Variants in ERBIN observed in about 807,000 individuals in gnomAD.
The protein encoded by ERBIN is erbb2 interacting protein, also known as densin-180-like protein.
A neutral mutation model predicts 158.4 loss-of-function variants in ERBIN; 60 were observed. That is an observed-to-expected ratio of 0.38 (90% confidence interval 0.31 to 0.47). The LOEUF (loss-of-function observed/expected upper bound fraction) is 0.47, where lower values mean the gene tolerates loss of function less well. Ranked by LOEUF, ERBIN falls within the 20% of genes least tolerant of loss-of-function variation. The pLI is 0.99. For missense variants in ERBIN, 1,610 were observed against 1,648.0 expected, an observed-to-expected ratio of 0.98 and a Z score of 0.40; for synonymous variants, 594 against 557.2, an observed-to-expected ratio of 1.07 and a Z score of -0.93.
chr5:66,062,808 CA>C (rs1760559376), intron 21 of ERBIN, among the ~76,000 whole-genome samples: 1 of 152,216 alleles, frequency 6.6e-6, no homozygotes, highest in Non-Finnish European at 1.5e-5. Context: ...AGGTCCACTC[CA>C]GACCCTGTTT....
At chr5:66,019,700 A>T (rs1247539277) in intron 7 of ERBIN, among the ~76,000 whole-genome samples, 1 of 152,108 alleles carries the variant, frequency 6.6e-6, no homozygotes, top group Non-Finnish European at 1.5e-5. Context: ...AATTGTTTTA[A>T]AATATAAATT....
At chr5:66,077,800 A>G (rs1265165350) in intron 25 of ERBIN, among the ~76,000 whole-genome samples, 1 of 136,874 alleles carries the variant, frequency 7.3e-6, no homozygotes, top group East Asian at 1.9e-4. Flanking sequence ...ACACATACAC[A>G]CACACACACA....
chr5:66,010,407 G>A (rs1317533681), intron 4 of ERBIN, among the ~76,000 whole-genome samples: 1 of 152,110 alleles, frequency 6.6e-6, no homozygotes, highest in Admixed American at 6.6e-5. Context: ...TTAAGGTGGT[G>A]CTTGTCAGAT....
At chr5:66,061,678 G>C (rs1200676797) in intron 21 of ERBIN, among the ~76,000 whole-genome samples, 3 of 152,128 alleles carry the variant, frequency 2.0e-5, no homozygotes, top group Non-Finnish European at 4.4e-5. Flanking sequence ...GCAGTGGCTG[G>C]TACCGGTTGT....
At chr5:65,944,521 C>T (rs1745499546) in intron 1 of ERBIN, among the ~76,000 whole-genome samples, 1 of 152,048 alleles carries the variant, frequency 6.6e-6, no homozygotes, top group African/African-American at 2.4e-5. Context: ...CCTCCCACCT[C>T]GTCCTCCCAG....
chr5:66,047,325 G>A (rs893018956), intron 18 of ERBIN, among the ~76,000 whole-genome samples: 3 of 151,976 alleles, frequency 2.0e-5, no homozygotes, highest in East Asian at 1.9e-4. Context: ...TTTTATGACC[G>A]AATAATACTA....
intron 1 of ERBIN, among the ~76,000 whole-genome samples, chr5:65,951,229 C>A (rs903559175): frequency 6.6e-6 from 1 of 152,104 alleles, no homozygotes; most frequent in Non-Finnish European, 1.5e-5. Context: ...ATCTTTTTCC[C>A]TCTCTGGCAG....
At chr5:66,049,072 T>C (rs1263396153) in intron 19 of ERBIN, among the ~76,000 whole-genome samples, 1 of 152,088 alleles carries the variant, frequency 6.6e-6, no homozygotes, top group East Asian at 1.9e-4. Context: ...CTTGAGTTAA[T>C]TTTATCCATG....
At chr5:66,025,586 A>C in intron 11 of ERBIN, 34 bp downstream of exon 11, 1 of 1,483,860 alleles carries the variant, frequency 6.7e-7, no homozygotes. Flanking sequence ...ACCCTCGAAG[A>C]TTTTACTTTC....
At chr5:66,040,970 A>G (rs1757867382) in intron 15 of ERBIN, among the ~76,000 whole-genome samples, 4 of 151,946 alleles carry the variant, frequency 2.6e-5, no homozygotes, top group African/African-American at 9.7e-5. Context: ...AAAGGGAAGT[A>G]TGCCTTCATA....
chr5:66,051,139 A>G (rs1257334927), intron 20 of ERBIN, among the ~76,000 whole-genome samples, 173 bp downstream of exon 20: 5 of 152,112 alleles, frequency 3.3e-5, no homozygotes, highest in Admixed American at 2.0e-4. Context: ...ATACATTTCC[A>G]TCTTAAATTA....
At chr5:65,997,046 T>TA (rs1463977628) in intron 4 of ERBIN, among the ~76,000 whole-genome samples, 7 of 152,188 alleles carry the variant, frequency 4.6e-5, no homozygotes, top group African/African-American at 7.2e-5. Flanking sequence ...TTTCTATATA[T>TA]AAGGTTATGT....
chr5:66,015,780 T>G (rs1754650021), intron 7 of ERBIN, among the ~76,000 whole-genome samples: 1 of 152,134 alleles, frequency 6.6e-6, no homozygotes, highest in South Asian at 2.1e-4. Flanking sequence ...GCACTTGTAG[T>G]GTGCAATGAT....
At chr5:65,941,987 G>T (rs564147237) in intron 1 of ERBIN, among the ~76,000 whole-genome samples, 2 of 152,232 alleles carry the variant, frequency 1.3e-5, no homozygotes, top group East Asian at 1.9e-4. Flanking sequence ...TGATGCGCCC[G>T]CCTCGGCCTT....
At chr5:66,014,822 A>G (rs1017881149) in intron 7 of ERBIN, 97 bp downstream of exon 7, 5 of 565,908 alleles carry the variant, frequency 8.8e-6, no homozygotes, top group Admixed American at 8.2e-5. Context: ...ATGTGGTGCA[A>G]ATTATTTGTA....
rs1299692944 is a variant in ERBIN, at chr5:66,074,925, G to GA, written c.3757-95dup. The stretch of plus-strand genomic sequence containing the variant: ...GTATTGTTTGACTTAATTAGAATGT[G>GA]AAAACTCTAGTGCTTTTGTAATGCT... On this transcript the variant is annotated intron_variant, in intron 22 of 25. Coordinates refer to ENST00000284037, the MANE Select transcript of ERBIN (RefSeq NM_001253697.2). 3 of 1,032,664 alleles carry GA rather than the reference G, an allele frequency of 2.9e-6. No individual in the cohort carries two copies. In the African/African-American group the frequency reaches 4.8e-5, roughly 17 times the overall value. The allele number at this position is 1,032,664 out of a possible 1,614,324, so 64.0% of individuals were successfully genotyped here. A position where few individuals can be genotyped will look rare whatever the true frequency, so the allele number is the denominator to read the frequency against.
chr5:65,929,619 A>ATGTCTT (rs1743110151), intron 1 of ERBIN, among the ~76,000 whole-genome samples: 1 of 143,870 alleles, frequency 7.0e-6, no homozygotes, highest in Non-Finnish European at 1.5e-5. Context: ...ACCTCTAAAG[A>ATGTCTT]TGTCTTTGTC....
At chr5:65,942,496 A>G (rs915973926) in intron 1 of ERBIN, among the ~76,000 whole-genome samples, 2 of 152,156 alleles carry the variant, frequency 1.3e-5, no homozygotes, top group African/African-American at 4.8e-5. Flanking sequence ...ATAGATGATT[A>G]TTTTTTTAGT....
At chr5:66,076,237 T>G in intron 23 of ERBIN, 79 bp from the exon 24 acceptor site, 2 of 1,026,578 alleles carry the variant, frequency 1.9e-6, no homozygotes, top group Non-Finnish European at 3.0e-6. Context: ...ACTTAACCAA[T>G]CAGTATTTAA....
Sources: allele counts gnomAD v4.1 joint callset (sites outside exome capture counted in the v4.1 genomes callset), GRCh38; gene constraint gnomAD v4.1.1; transcripts MANE v1.5; gene names NCBI Gene and HGNC (gene_info 2026-07-23, HGNC 2026-07-21).